Variants in IFT74 observed in about 807,000 individuals in gnomAD.
IFT74 encodes the protein intraflagellar transport 74.
IFT74 carries 92 observed loss-of-function variants against 96.7 expected under a neutral mutation model. The ratio of observed to expected loss-of-function variants is 0.95; its 90% confidence interval spans 0.80 to 1.13. The LOEUF (loss-of-function observed/expected upper bound fraction) is 1.13, where lower values mean the gene tolerates loss of function less well. Ranked by LOEUF, IFT74 falls within the 50% of genes most tolerant of loss-of-function variation. The pLI is 0.00. For synonymous variants in IFT74, 223 were observed against 213.2 expected, an observed-to-expected ratio of 1.05 and a Z score of -0.40; for missense variants, 811 against 698.2, an observed-to-expected ratio of 1.16 and a Z score of -1.82.
chr9:27,018,130 T>C (rs1175152656), intron 11 of IFT74, among the ~76,000 whole-genome samples: 1 of 152,216 alleles, frequency 6.6e-6, no homozygotes, highest in Non-Finnish European at 1.5e-5. Context: ...GAATGGCTGC[T>C]TAAATTTGAA....
intron 7 of IFT74, 49 bp downstream of exon 7, chr9:26,988,777 A>G (rs1827745865): frequency 7.1e-7 from 1 of 1,402,710 alleles, no homozygotes; most frequent in Non-Finnish European, 9.7e-7. Context: ...CATATCCTAC[A>G]AAACAAAGCA....
At chr9:26,985,838 TTTAA>T (rs1334891724) in intron 6 of IFT74, among the ~76,000 whole-genome samples, 2 of 152,218 alleles carry the variant, frequency 1.3e-5, no homozygotes, top group Non-Finnish European at 2.9e-5. Flanking sequence ...AATTTTGAAA[TTTAA>T]TTATTAAACA....
intron 13 of IFT74, among the ~76,000 whole-genome samples, chr9:27,044,087 T>G (rs1819591004): frequency 6.6e-6 from 1 of 152,218 alleles, no homozygotes; most frequent in East Asian, 1.9e-4. Flanking sequence ...CTTTTTCACT[T>G]CATTCTCTGC....
intron 8 of IFT74, among the ~76,000 whole-genome samples, chr9:27,002,665 A>G (rs1828564155): frequency 6.6e-6 from 1 of 152,198 alleles, no homozygotes; most frequent in Non-Finnish European, 1.5e-5. Flanking sequence ...TCTTGATGCC[A>G]GTACCATGCT....
chr9:26,968,355 G>A (rs558721185), intron 2 of IFT74, among the ~76,000 whole-genome samples: 14 of 151,656 alleles, frequency 9.2e-5, no homozygotes, highest in South Asian at 4.2e-4. Flanking sequence ...TCTGCCTCCC[G>A]GGTTCAAGCG....
At chr9:26,989,545 T>A (rs568138680) in intron 7 of IFT74, among the ~76,000 whole-genome samples, 1 of 152,310 alleles carries the variant, frequency 6.6e-6, no homozygotes, top group African/African-American at 2.4e-5. Flanking sequence ...ATAGGATTGA[T>A]AAAATGACTC....
chr9:26,996,176 T>C (rs1828145680), intron 8 of IFT74: 1 of 616,924 alleles, frequency 1.6e-6, no homozygotes, highest in Admixed American at 3.7e-5. Flanking sequence ...GGAAGAGCAA[T>C]ATTTTGTAAA....
chr9:26,994,607 A>G (rs1828050264), intron 8 of IFT74: 1 of 152,244 alleles, frequency 6.6e-6, no homozygotes, highest in Non-Finnish European at 1.5e-5. Flanking sequence ...TTCCTGTAGT[A>G]ATTTGACCAT....
chr9:26,949,784 A>T (rs1825874554), intron 1 of IFT74, among the ~76,000 whole-genome samples: 1 of 152,134 alleles, frequency 6.6e-6, no homozygotes, highest in Admixed American at 6.5e-5. Context: ...TGGGTCAGGG[A>T]TGAATCACAG....
chr9:27,014,447 A>G (rs972607882), intron 10 of IFT74, among the ~76,000 whole-genome samples: 1 of 152,182 alleles, frequency 6.6e-6, no homozygotes, highest in African/African-American at 2.4e-5. Context: ...AGGAAAAATC[A>G]TAAGCTATAA....
At position 27,048,186 on chromosome 9, in the gene IFT74, T is replaced by C. The variant is rs776617502; in HGVS notation, c.1245T>C (p.Asn415=). The part of the protein sequence containing the change: ...NRIEQISSIT[N]QELKMMQDDL... The stretch of plus-strand genomic sequence containing the variant: ...TAGAACAGATATCCTCTATCACCAA[T>C]CAAGAGCTAAAGATGATGCAGGATG... The change falls in exon 16 of 20, where the codon AAT becomes AAC. Residue 415 remains asparagine (N), a synonymous_variant. Coordinates refer to ENST00000380062, the MANE Select transcript of IFT74 (RefSeq NM_025103.4). The C allele has an allele frequency of 3.1e-6, 5 of 1,601,956 alleles. No individual in the cohort carries two copies. The highest frequency in any genetic ancestry group is 4.3e-6 in the Non-Finnish European group (5 of 1,170,232).
At chr9:27,023,006 A>C (rs139659037) in intron 12 of IFT74, among the ~76,000 whole-genome samples, 1 of 151,968 alleles carries the variant, frequency 6.6e-6, no homozygotes, top group African/African-American at 2.4e-5. Context: ...GTGTACATTG[A>C]TTTTGTGTCC....
At chr9:26,948,448 A>ATTATTATTATTATTATTTTTTTTTT (rs1825819541) in intron 1 of IFT74, among the ~76,000 whole-genome samples, 4 of 59,162 alleles carry the variant, frequency 6.8e-5, no homozygotes, top group Admixed American at 2.0e-4. Context: ...GCTTTCCATT[A>ATTATTATTATTATTATTTTTTTTTT]TTTTTTTTTT....
intron 5 of IFT74, 37 bp from the exon 6 acceptor site, chr9:26,984,462 G>T: frequency 6.3e-7 from 1 of 1,584,614 alleles, no homozygotes; most frequent in South Asian, 1.1e-5. Context: ...ATATTTTTAT[G>T]TACATATTTA....
At position 27,009,750 on chromosome 9, in the gene IFT74, C is replaced by T. The variant is rs554004065; in HGVS notation, c.726+592C>T. Among the ~76,000 whole-genome samples the T allele has an allele frequency of 2.0e-5, 3 of 151,974 alleles. No individual in the cohort carries two copies. The South Asian group carries it at 6.2e-4, about 32-fold the overall frequency. The stretch of plus-strand genomic sequence containing the variant: ...CCTTCCTGCTTAATAAACAGCTAAC[C>T]TTTTTACCTGTTAGCATTATGATTT... On this transcript the variant is annotated intron_variant, in intron 9 of 19. Coordinates refer to ENST00000380062, the MANE Select transcript of IFT74 (RefSeq NM_025103.4).
At chr9:27,008,201 A>G (rs534050457) in intron 8 of IFT74, among the ~76,000 whole-genome samples, 2 of 152,354 alleles carry the variant, frequency 1.3e-5, no homozygotes, top group South Asian at 2.1e-4. Context: ...ATCTAAAGCC[A>G]TAACTAAAAA....
chr9:27,051,085 A>G (rs984087849), intron 16 of IFT74, among the ~76,000 whole-genome samples: 1 of 152,194 alleles, frequency 6.6e-6, no homozygotes, highest in Non-Finnish European at 1.5e-5. Context: ...CTTGATGACA[A>G]GGTATTCCCT....
intron 2 of IFT74, among the ~76,000 whole-genome samples, chr9:26,968,205 G>A (rs1190827362): frequency 6.6e-6 from 1 of 151,518 alleles, no homozygotes; most frequent in African/African-American, 2.4e-5. Context: ...GAACTCAGCA[G>A]TGAAGTCATC....
At chr9:26,997,301 T>C (rs992829572) in intron 8 of IFT74, among the ~76,000 whole-genome samples, 1 of 151,994 alleles carries the variant, frequency 6.6e-6, no homozygotes, top group Admixed American at 6.6e-5. Flanking sequence ...TTTCTTCCTG[T>C]TTTGCTTAAA....
Sources: allele counts gnomAD v4.1 joint callset (sites outside exome capture counted in the v4.1 genomes callset), GRCh38; gene constraint gnomAD v4.1.1; transcripts MANE v1.5; gene names NCBI Gene and HGNC (gene_info 2026-07-23, HGNC 2026-07-21).